Variants in PRSS27 observed in about 807,000 individuals in gnomAD.
PRSS27 encodes the protein serine protease 27, also known as channel-activating protease 2.
In PRSS27, 25 loss-of-function variants were observed where a neutral mutation model predicts 32.0. The observed-to-expected ratio is 0.78, with a 90% CI of 0.57 to 1.09. The LOEUF (loss-of-function observed/expected upper bound fraction) is 1.09. Ranked by LOEUF, PRSS27 falls within the 50% of genes least tolerant of loss-of-function variation. PRSS27 has a pLI of 0.00. For missense variants in PRSS27, 401 were observed against 394.9 expected, an observed-to-expected ratio of 1.02 and a Z score of -0.13; for synonymous variants, 178 against 172.2, an observed-to-expected ratio of 1.03 and a Z score of -0.26.
chr16:2,716,203 T>A (rs887371984), intron 2 of PRSS27: 28 of 566,154 alleles, frequency 4.9e-5, no homozygotes, highest in Non-Finnish European at 8.5e-5. Context: ...ATAGAACAGG[T>A]GTCAAGCCCT....
rs1310450752 is a variant in PRSS27 at position 2,714,527 on chromosome 16, G to C, written c.237-191C>G. ...CATTGAAGCCAGACCGCCCGACTCA[G>C]ATTTCCACCTCCACCCCTGGCCGCT... is the stretch of plus-strand genomic sequence containing the variant. On this transcript the variant is annotated intron_variant, in intron 3 of 5. Coordinates refer to ENST00000302641, the MANE Select transcript of PRSS27 (RefSeq NM_031948.5). This position sits in a 1 kb window ranked among gnomAD's most constrained non-coding sequence, Gnocchi z 4.7. 3.1e-6 allele frequency: 2 copies of C among 644,832 alleles called. No homozygotes were observed. Among genetic ancestry groups the C allele is most frequent in the Non-Finnish European group, 5.4e-6 (2 of 371,458 alleles). 39.9% of individuals were successfully genotyped at this position (644,832 alleles called of 1,614,324 possible).
chr16:2,716,425 C>G, intron 2 of PRSS27, 75 bp downstream of exon 2: 2 of 1,394,476 alleles, frequency 1.4e-6, no homozygotes, highest in Non-Finnish European at 2.0e-6. Flanking sequence ...GTTCCAAATT[C>G]CCTCTGGCCA....
At position 2,712,740 on chromosome 16, in the gene PRSS27, C is replaced by T. The variant is rs2067670491; in HGVS notation, c.753G>A (p.Glu251=). 6.3e-7 allele frequency: 1 copy of T among 1,587,660 alleles called. No homozygotes were observed. Among genetic ancestry groups the T allele is most frequent in the Non-Finnish European group, 8.6e-7 (1 of 1,166,942 alleles). Reference sequence around the variant, plus strand: ...CTGGGCGGTTCTGGCGGGCACAGCCCTCACCCCAGCTGATCACCCCCGCCT... The same window carrying T: ...CTGGGCGGTTCTGGCGGGCACAGCCTTCACCCCAGCTGATCACCCCCGCCT... ...WLQAGVISWG[E]GCARQNRPGV... Residue 251 remains glutamate (E), a synonymous_variant, in exon 6 of 6, where the codon GAG becomes GAA. Transcript: ENST00000302641. The surrounding 1 kb of genome is among the most constrained non-coding windows in gnomAD (Gnocchi z 4.6).
rs947330258 is a variant in PRSS27, at chr16:2,715,758, C to T, written c.196G>A (p.Ala66Thr). 4 of 1,582,624 alleles carry T rather than the reference C, an allele frequency of 2.5e-6. No homozygotes were observed. Residue 66 changes from alanine to threonine, a missense_variant, in exon 3 of 6, where the codon GCG (alanine) becomes ACG (threonine). Transcript: ENST00000302641. Reference protein sequence around the residue: ...GSHFCGGSLIAEQWVLTAAHC... With the variant: ...GSHFCGGSLITEQWVLTAAHC... Reference sequence around the variant, plus strand: ...GCAGCCGTCAGGACCCACTGCTCCGCGATGAGGCTGCCCCCGCAGAAGTGG... The same window carrying T: ...GCAGCCGTCAGGACCCACTGCTCCGTGATGAGGCTGCCCCCGCAGAAGTGG...
At chr16:2,716,369 A>C in intron 2 of PRSS27, 131 bp downstream of exon 2, 1 of 851,254 alleles carries the variant, frequency 1.2e-6, no homozygotes, top group East Asian at 2.7e-5. Context: ...CCAGTTCCAC[A>C]CAGCCCCCAC....
At position 2,713,593 on chromosome 16, in the gene PRSS27, G is replaced by A. The variant is rs1386753190; in HGVS notation, c.614C>T (p.Pro205Leu). ...YSKDTEFGYQ[P>L]KTIKNDMLCA... is the part of the protein sequence containing the mutation. ...CAGCATGTCATTCTTGATGGTTTTG[G>A]GTTGGTAGCCAAACTCGGTGTCTTT... The change falls in exon 5 of 6, where the codon CCC becomes CTC. Residue 205 changes from proline to leucine, a missense_variant. Physicochemically the swap from Pro to Leu is moderately conservative, Grantham distance 98. Coordinates refer to ENST00000302641, the MANE Select transcript of PRSS27 (RefSeq NM_031948.5). 6.2e-7 allele frequency: 1 copy of A among 1,614,086 alleles called. No homozygotes were observed. The highest frequency in any genetic ancestry group is 8.5e-7 in the Non-Finnish European group (1 of 1,180,054).
chr16:2,712,614 G>C lies in PRSS27; in HGVS notation c.*6C>G. ...TCTGCTCAAGGGGCTCCTGGCCCCG[G>C]GGGTCTCACTTCTGGCCGCCCAACC... On this transcript the variant is annotated 3_prime_UTR_variant, in exon 6 of 6. Coordinates refer to ENST00000302641, the MANE Select transcript of PRSS27 (RefSeq NM_031948.5). This position sits in a 1 kb window ranked among gnomAD's most constrained non-coding sequence, Gnocchi z 4.6. 6.4e-7 allele frequency: 1 copy of C among 1,574,276 alleles called. No individual in the cohort carries two copies. The highest frequency in any genetic ancestry group is 1.3e-5 in the African/African-American group (1 of 74,078).
In PRSS27 at chr16:2,713,567, A is replaced by C; in HGVS notation, c.640T>G (p.Cys214Gly). 6.2e-7 allele frequency: 1 copy of C among 1,614,212 alleles called. No homozygotes were observed. Among genetic ancestry groups the C allele is most frequent in the Non-Finnish European group, 8.5e-7 (1 of 1,180,032 alleles). ...QPKTIKNDMLCAGFEEGKKDA... is the reference protein window; with the variant it reads ...QPKTIKNDMLGAGFEEGKKDA... Reference sequence around the variant, plus strand: ...TTCTTGCCCTCCTCGAAGCCGGCGCACAGCATGTCATTCTTGATGGTTTTG... The same window carrying C: ...TTCTTGCCCTCCTCGAAGCCGGCGCCCAGCATGTCATTCTTGATGGTTTTG... The change falls in exon 5 of 6, where the codon TGC (cysteine) becomes GGC (glycine). Residue 214 changes from cysteine (C) to glycine (G), a missense_variant. Cys to Gly is a radical substitution (Grantham distance 159). Transcript: ENST00000302641.
In PRSS27 at chr16:2,712,494, G is replaced by A. The variant is rs1361467501; in HGVS notation, c.*126C>T. ...GGTATTTGAGAGGGGAGGAAGGAGC[G>A]CTATTTACAAATGAGTCTGGTGGGG... On this transcript the variant is annotated 3_prime_UTR_variant, in exon 6 of 6. Coordinates refer to ENST00000302641, the MANE Select transcript of PRSS27 (RefSeq NM_031948.5). This position sits in a 1 kb window ranked among gnomAD's most constrained non-coding sequence, Gnocchi z 4.6. The A allele has an allele frequency of 1.8e-5, 13 of 723,340 alleles. No homozygotes were observed. In the East Asian group the frequency reaches 2.4e-4, roughly 14 times the overall value. The allele number at this position is 723,340 out of a possible 1,614,324, so 44.8% of individuals were successfully genotyped here.
Position 2,714,234 on chromosome 16 carries a change from G to T in PRSS27, c.339C>A (p.Asn113Lys). Residue 113 changes from asparagine to lysine, a missense_variant, in exon 4 of 6, where the codon AAC (asparagine) becomes AAA (lysine). Transcript: ENST00000302641. The surrounding 1 kb of genome is among the most constrained non-coding windows in gnomAD (Gnocchi z 4.7). Reference protein sequence around the residue: ...MYARVRQVESNPLYQGTASSA... With the variant: ...MYARVRQVESKPLYQGTASSA... ...TGGAGGCCGTGCCCTGGTACAGGGG[G>T]TTGCTCTCCACCTGCCTCACCCGGG... is the stretch of plus-strand genomic sequence containing the variant. 1 of 1,613,680 alleles carries T rather than the reference G, an allele frequency of 6.2e-7. No homozygotes were observed. Among genetic ancestry groups the T allele is most frequent in the Non-Finnish European group, 8.5e-7 (1 of 1,179,888 alleles).
rs375317802 is a variant in PRSS27 at position 2,714,111 on chromosome 16, C to G, written c.462G>C (p.Thr154=). The change falls in exon 4 of 6, where the codon ACG becomes ACC. Residue 154 remains threonine (T), a synonymous_variant. Transcript: ENST00000302641. This position sits in a 1 kb window ranked among gnomAD's most constrained non-coding sequence, Gnocchi z 4.7. The stretch of plus-strand genomic sequence containing the variant: ...AGCCAGTGACCCAGCAGTTCATGCC[C>G]GTCTCAAAGATCACCGAGGGGTCAG... ...CLPDPSVIFE[T]GMNCWVTGWG... 2.9e-5 allele frequency: 47 copies of G among 1,613,632 alleles called. No homozygotes were observed. Among genetic ancestry groups the G allele is most frequent in the Non-Finnish European group, 3.3e-5 (39 of 1,179,844 alleles).
intron 5 of PRSS27, chr16:2,713,185 G>A (rs1005009797): frequency 2.4e-5 from 11 of 452,838 alleles, no homozygotes; most frequent in South Asian, 4.4e-5. Flanking sequence ...TGCAAGCTCC[G>A]CCTCCCAGGT....
intron 2 of PRSS27, 57 bp downstream of exon 2, chr16:2,716,443 C>T: frequency 1.3e-6 from 2 of 1,531,804 alleles, no homozygotes; most frequent in Non-Finnish European, 1.8e-6. Context: ...CCATGAGTGT[C>T]CCTGGCTCAG....
Position 2,714,556 on chromosome 16 carries a change from T to C in PRSS27, c.237-220A>G, listed in dbSNP as rs568609899. On this transcript the variant is annotated intron_variant, in intron 3 of 5. Coordinates refer to ENST00000302641, the MANE Select transcript of PRSS27 (RefSeq NM_031948.5). This position sits in a 1 kb window ranked among gnomAD's most constrained non-coding sequence, Gnocchi z 4.7. ...TCCACCTCCACCCCTGGCCGCTGTG[T>C]GGCCTTGGGCAAGTCACTTAACAAG... 8.3e-6 allele frequency: 5 copies of C among 604,702 alleles called. No individual in the cohort carries two copies. Among genetic ancestry groups the C allele is most frequent in the African/African-American group, 7.4e-5 (4 of 54,158 alleles). The allele number at this position is 604,702 out of a possible 1,614,324, so 37.5% of individuals were successfully genotyped here. A position where few individuals can be genotyped will look rare whatever the true frequency, so the allele number is the denominator to read the frequency against.
chr16:2,716,675 C>T, intron 1 of PRSS27, 149 bp from the exon 2 acceptor site: 1 of 744,886 alleles, frequency 1.3e-6, no homozygotes, highest in Admixed American at 2.4e-5. Context: ...AGCCCAAGGG[C>T]CTGCAGTTTC....
chr16:2,719,351 T>A (rs1407077902), intron 1 of PRSS27, among the ~76,000 whole-genome samples: 1 of 152,170 alleles, frequency 6.6e-6, no homozygotes, highest in Non-Finnish European at 1.5e-5. Context: ...GAGTACTGGC[T>A]AAGCTGCAGC....
Position 2,714,575 on chromosome 16 carries a change from TAAC to T in PRSS27, c.237-242_237-240del, listed in dbSNP as rs933571818. 4 of 576,002 alleles carry T rather than the reference TAAC, an allele frequency of 6.9e-6. No individual in the cohort carries two copies. The highest frequency in any genetic ancestry group is 3.7e-5 in the African/African-American group (2 of 53,340). 35.7% of individuals were successfully genotyped at this position (576,002 alleles called of 1,614,324 possible). ...GCTGTGTGGCCTTGGGCAAGTCACT[TAAC>T]AAGTTCTCTGTGATGCAGCTTTCTC... On this transcript the variant is annotated intron_variant, in intron 3 of 5. Coordinates refer to ENST00000302641, the MANE Select transcript of PRSS27 (RefSeq NM_031948.5). This position sits in a 1 kb window ranked among gnomAD's most constrained non-coding sequence, Gnocchi z 4.7.
intron 1 of PRSS27, 136 bp downstream of exon 1, chr16:2,719,979 G>T: frequency 1.2e-6 from 1 of 808,290 alleles, no homozygotes; most frequent in Non-Finnish European, 2.0e-6. Flanking sequence ...CACCTGCTCA[G>T]GGGCAGGAGG....
Position 2,714,088 on chromosome 16 carries a change from C to A in PRSS27, c.485G>T (p.Gly162Val), listed in dbSNP as rs2067684387. 1.9e-6 allele frequency: 3 copies of A among 1,612,094 alleles called. No individual in the cohort carries two copies. Among genetic ancestry groups the A allele is most frequent in the Non-Finnish European group, 2.5e-6 (3 of 1,178,784 alleles). ...FETGMNCWVT[G>V]WGSPSEEDLL... ...ACCTTCCTCACTGGGGCTGCCCCAG[C>A]CAGTGACCCAGCAGTTCATGCCCGT... is the stretch of plus-strand genomic sequence containing the variant. Residue 162 changes from glycine (G) to valine (V), a missense_variant, in exon 4 of 6, where the codon GGC becomes GTC. Gly to Val is a moderately radical substitution (Grantham distance 109, BLOSUM62 -3). Transcript: ENST00000302641. This position sits in a 1 kb window ranked among gnomAD's most constrained non-coding sequence, Gnocchi z 4.7.
Sources: gnomAD v4.1 joint callset for allele counts (sites outside exome capture counted in the v4.1 genomes callset) on GRCh38, gnomAD v4.1.1 for gene constraint, Gnocchi (gnomAD v3.1) non-coding constraint, MANE v1.5 for transcripts, NCBI Gene and HGNC (gene_info 2026-07-23, HGNC 2026-07-21) for gene names.